The following CCDC15 variants were observed in gnomAD, a reference collection of about 807,000 sequenced individuals.
CCDC15 encodes coiled-coil domain-containing protein 15.
Under a neutral mutation model 114.5 loss-of-function variants are expected in CCDC15, and 105 were observed. The ratio of observed to expected loss-of-function variants is 0.92; its 90% CI spans 0.78 to 1.08. The LOEUF (loss-of-function observed/expected upper bound fraction) is 1.08. Among genes scored for constraint, CCDC15 ranks in the 50% least tolerant of loss-of-function variants. CCDC15 has a pLI of 0.00. For synonymous variants in CCDC15, 334 were observed against 377.8 expected (o/e 0.88, Z 1.34); for missense variants, 1,105 against 1,093.6 (o/e 1.01, Z -0.15).
At chr11:124,999,534 C>CT (rs199869648) in intron 11 of CCDC15, among the ~76,000 whole-genome samples, 4 of 151,072 alleles carry the variant, frequency 2.6e-5, no homozygotes, top group African/African-American at 4.9e-5. Context: ...AGTTCACTGA[C>CT]TTTTTTTTCA....
intron 5 of CCDC15, among the ~76,000 whole-genome samples, chr11:124,975,661 T>C (rs570200315): frequency 5.5e-4 from 84 of 152,206 alleles, no homozygotes; most frequent in African/African-American, 1.9e-3. Context: ...TTTCAAGTGA[T>C]AAGTGCTATG....
chr11:124,988,104 T>C lies in CCDC15; in HGVS notation c.1878T>C (p.Cys626=). 1 of 1,612,364 alleles carries C rather than the reference T, an allele frequency of 6.2e-7. No homozygotes were observed. The highest frequency in any genetic ancestry group is 8.5e-7 in the Non-Finnish European group (1 of 1,179,382). ...ACGACCAGAATATTCTACCCAAATG[T>C]CAGGACCAAGATTTTCTACCAAAAT... The part of the protein sequence containing the change: ...LSNDQNILPK[C]QDQDFLPKYQ... Residue 626 remains cysteine, a synonymous_variant, in exon 8 of 16, where the codon TGT becomes TGC. Transcript: ENST00000344762.
chr11:124,954,959 T>C, intron 2 of CCDC15, 50 bp downstream of exon 2: 1 of 1,528,460 alleles, frequency 6.5e-7, no homozygotes, highest in Admixed American at 1.7e-5. Flanking sequence ...CCACCCTTTT[T>C]ATTAGCCTTC....
chr11:125,025,471 T>C (rs951122732), intron 13 of CCDC15, among the ~76,000 whole-genome samples: 1 of 152,002 alleles, frequency 6.6e-6, no homozygotes, highest in Non-Finnish European at 1.5e-5. Context: ...TTCAGTTTTA[T>C]TGAATGAATT....
At chr11:124,974,945 G>C in intron 4 of CCDC15, 151 bp from the exon 5 acceptor site, 1 of 513,952 alleles carries the variant, frequency 1.9e-6, no homozygotes, top group Non-Finnish European at 3.5e-6. Flanking sequence ...CACACTATCA[G>C]CACATCAAAG....
rs760925951 is a variant in CCDC15 at position 125,040,564 on chromosome 11, A to C, written c.2735-26A>C. 1.9e-6 allele frequency: 3 copies of C among 1,583,822 alleles called. No individual in the cohort carries two copies. The South Asian group carries it at 3.5e-5, about 18-fold the overall frequency. ...AGTTGTTTAGAATTTGACTTTATTC[A>C]TTGCTGTGCAAACCTTTTTTTGCAG... is the stretch of plus-strand genomic sequence containing the variant. On this transcript the variant is annotated intron_variant, in intron 15 of 15. Transcript: ENST00000344762.
intron 12 of CCDC15, among the ~76,000 whole-genome samples, chr11:125,004,516 T>G (rs974591464): frequency 6.6e-6 from 1 of 152,032 alleles, no homozygotes; most frequent in Non-Finnish European, 1.5e-5. Context: ...CTGCACTACT[T>G]TGGTATATAC....
At chr11:124,993,325 T>A in intron 11 of CCDC15, 82 bp downstream of exon 11, 1 of 928,708 alleles carries the variant, frequency 1.1e-6, no homozygotes, top group Non-Finnish European at 1.7e-6. Flanking sequence ...AGAGTGTAAA[T>A]TGCTTTTTTT....
chr11:125,013,009 A>G (rs921736969), intron 13 of CCDC15, among the ~76,000 whole-genome samples: 4 of 152,176 alleles, frequency 2.6e-5, no homozygotes, highest in African/African-American at 7.2e-5. Context: ...GTTTGTTGAT[A>G]GCATTAAGTG....
At chr11:125,001,955 T>C (rs995412538) in intron 11 of CCDC15, among the ~76,000 whole-genome samples, 3 of 152,188 alleles carry the variant, frequency 2.0e-5, no homozygotes, top group African/African-American at 4.8e-5. Flanking sequence ...ATAACTGTGC[T>C]TAACCTTTTG....
intron 11 of CCDC15, among the ~76,000 whole-genome samples, chr11:124,999,419 T>C (rs868208554): frequency 1.3e-4 from 20 of 152,154 alleles, no homozygotes; most frequent in Admixed American, 2.6e-4. Context: ...CCTTTTGATA[T>C]TGTCCCACAG....
chr11:125,000,253 G>T (rs1948456032), intron 11 of CCDC15, among the ~76,000 whole-genome samples: 2 of 152,088 alleles, frequency 1.3e-5, no homozygotes, highest in African/African-American at 4.8e-5. Flanking sequence ...TGTTGTAGCA[G>T]GCAGTCAGCC....
chr11:125,012,200 G>A (rs1948597329), intron 13 of CCDC15, among the ~76,000 whole-genome samples: 1 of 152,128 alleles, frequency 6.6e-6, no homozygotes, highest in Non-Finnish European at 1.5e-5. Context: ...GTATAGATGG[G>A]CAGTCATAGG....
At chr11:125,031,052 C>T (rs1948735308) in intron 13 of CCDC15, among the ~76,000 whole-genome samples, 1 of 152,206 alleles carries the variant, frequency 6.6e-6, no homozygotes, top group South Asian at 2.1e-4. Context: ...CCAGTCAAAC[C>T]ATTGGCTACA....
chr11:125,029,651 T>G (rs888784663), intron 13 of CCDC15, among the ~76,000 whole-genome samples: 2 of 152,260 alleles, frequency 1.3e-5, no homozygotes, highest in Admixed American at 6.5e-5. Context: ...GTAGCTGGTA[T>G]GATGACCACA....
intron 4 of CCDC15, among the ~76,000 whole-genome samples, chr11:124,970,197 A>G (rs1408046935): frequency 6.6e-6 from 1 of 152,050 alleles, no homozygotes; most frequent in Admixed American, 6.6e-5. Flanking sequence ...TCTTTTTTCC[A>G]GTTTAGGACC....
rs1948791111 is a variant in CCDC15, at chr11:125,038,479, C to A, written c.2460C>A (p.Ile820=). 1.3e-6 allele frequency: 2 copies of A among 1,581,024 alleles called. No homozygotes were observed. The highest frequency in any genetic ancestry group is 2.7e-5 in the African/African-American group (2 of 74,020). Reference sequence around the variant, plus strand: ...AATGTTATGCTGCAGAGCAGAGGATCCTAAGAATGAACTTTCATGAAGATC... The same window carrying A: ...AATGTTATGCTGCAGAGCAGAGGATACTAAGAATGAACTTTCATGAAGATC... ...EQECYAAEQR[I]LRMNFHEDPY... is the part of the protein sequence containing the mutation. The change falls in exon 14 of 16, where the codon ATC becomes ATA. Residue 820 remains isoleucine, a synonymous_variant. Coordinates refer to ENST00000344762, the MANE Select transcript of CCDC15 (RefSeq NM_025004.3).
rs145456981 is a variant in CCDC15 at position 124,989,353 on chromosome 11, C to T, written c.1908+1219C>T. 6.6e-4 allele frequency among the ~76,000 whole-genome samples: 100 copies of T among 152,302 alleles called. 1 individual carries two copies. The highest frequency in any genetic ancestry group is 2.2e-3 in the African/African-American group (90 of 41,554). ...GTAAAACATGCTGTAAACAGATGTG[C>T]TGTCATCTTGGCTTTGTTATTCCCT... On this transcript the variant is annotated intron_variant, in intron 8 of 15. Coordinates refer to ENST00000344762, the MANE Select transcript of CCDC15 (RefSeq NM_025004.3).
chr11:124,974,044 G>A lies in CCDC15; in HGVS notation c.517-1052G>A, dbSNP rs544543296. Among the ~76,000 whole-genome samples, 22 of 152,110 alleles carry A rather than the reference G, an allele frequency of 1.4e-4. 1 individual carries two copies. In the South Asian group the frequency reaches 3.9e-3, roughly 27 times the overall value. ...GGCTGGAGTGCAGTGGCGCTATCTC[G>A]TCTCACTGCAGCCTCTGCCTCCTGG... is the stretch of plus-strand genomic sequence containing the variant. On this transcript the variant is annotated intron_variant, in intron 4 of 15. Coordinates refer to ENST00000344762, the MANE Select transcript of CCDC15 (RefSeq NM_025004.3).
Sources: allele counts gnomAD v4.1 joint callset (sites outside exome capture counted in the v4.1 genomes callset), GRCh38; gene constraint gnomAD v4.1.1; transcripts MANE v1.5; gene names NCBI Gene and HGNC (gene_info 2026-07-23, HGNC 2026-07-21).